Variants in TMEM217 observed in about 807,000 individuals in gnomAD.
TMEM217 encodes transmembrane protein 217.
For synonymous variants in TMEM217, 76 were observed against 88.3 expected, an observed-to-expected ratio of 0.86 and a Z score of 0.78; for missense variants, 204 against 248.8, an observed-to-expected ratio of 0.82 and a Z score of 1.21.
At chr6:37,216,552 G>T (rs1316409339), downstream of TMEM217, among the ~76,000 whole-genome samples, 1 of 152,168 alleles carries the variant, frequency 6.6e-6, no homozygotes, top group Non-Finnish European at 1.5e-5. Context: ...GGAAGAAGGA[G>T]TCTGGGATGA....
At chr6:37,252,547 TTGTGAGGGG>T (rs763948715) in intron 1 of TMEM217, among the ~76,000 whole-genome samples, 1 of 150,972 alleles carries the variant, frequency 6.6e-6, no homozygotes, top group Non-Finnish European at 1.5e-5. Context: ...CATGTATATG[TTGTGAGGGG>T]TGTGAGGGGT....
chr6:37,220,864 A>C (rs750588166), intron 1 of TMEM217, among the ~76,000 whole-genome samples: 25 of 152,110 alleles, frequency 1.6e-4, no homozygotes, highest in Non-Finnish European at 3.1e-4. Flanking sequence ...AACAACTATG[A>C]TTACTATATT....
At chr6:37,251,203 A>G (rs555618687) in intron 1 of TMEM217, among the ~76,000 whole-genome samples, 1 of 152,296 alleles carries the variant, frequency 6.6e-6, no homozygotes, top group South Asian at 2.1e-4. Flanking sequence ...TTATTTTTTC[A>G]TGTCAGACAG....
chr6:37,239,288 A>G (rs1348291625), intron 1 of TMEM217, among the ~76,000 whole-genome samples: 1 of 152,098 alleles, frequency 6.6e-6, no homozygotes, highest in Non-Finnish European at 1.5e-5. Context: ...CAGGAGTTTG[A>G]GACTAGCCTG....
chr6:37,243,624 GT>G (rs1764903639), intron 1 of TMEM217, among the ~76,000 whole-genome samples: 1 of 152,186 alleles, frequency 6.6e-6, no homozygotes, highest in African/African-American at 2.4e-5. Flanking sequence ...TTGAGACAGA[GT>G]TTCTCTCTTG....
At chr6:37,227,166 C>T (rs889042013) in intron 1 of TMEM217, among the ~76,000 whole-genome samples, 1 of 152,162 alleles carries the variant, frequency 6.6e-6, no homozygotes, top group African/African-American at 2.4e-5. Flanking sequence ...TTTGAATCCA[C>T]TGAGCCCAGA....
intron 1 of TMEM217, among the ~76,000 whole-genome samples, chr6:37,249,244 A>G (rs1324089421): frequency 6.6e-6 from 1 of 152,214 alleles, no homozygotes; most frequent in Non-Finnish European, 1.5e-5. Flanking sequence ...GTAGATTTTG[A>G]ATTTGTGCCA....
intron 1 of TMEM217, among the ~76,000 whole-genome samples, chr6:37,220,649 G>A (rs957177307): frequency 1.3e-5 from 2 of 151,840 alleles, no homozygotes; most frequent in African/African-American, 4.8e-5. Context: ...GTGTGTCTAA[G>A]TGTCTGGCAG....
chr6:37,251,478 A>G (rs1765396247), intron 1 of TMEM217, among the ~76,000 whole-genome samples: 1 of 152,274 alleles, frequency 6.6e-6, no homozygotes, highest in South Asian at 2.1e-4. Flanking sequence ...GAATATTCAC[A>G]TAAGGGAACG....
At chr6:37,229,902 T>C (rs1764099110) in intron 1 of TMEM217, among the ~76,000 whole-genome samples, 1 of 152,204 alleles carries the variant, frequency 6.6e-6, no homozygotes, top group South Asian at 2.1e-4. Flanking sequence ...GTTTCTCTGC[T>C]CCAGGTTTCA....
At chr6:37,255,642 T>C (rs1299009814) in intron 1 of TMEM217, among the ~76,000 whole-genome samples, 3 of 150,902 alleles carry the variant, frequency 2.0e-5, no homozygotes, top group African/African-American at 7.4e-5. Context: ...TGAGATCATG[T>C]CACTGGACTC....
chr6:37,224,606 C>CA (rs2113832873), intron 1 of TMEM217, among the ~76,000 whole-genome samples: 1 of 96,850 alleles, frequency 1.0e-5, no homozygotes, highest in Admixed American at 1.2e-4. Flanking sequence ...CAAAAACAAA[C>CA]AAACAAACGA....
At chr6:37,253,160 T>C (rs2113934446) in intron 1 of TMEM217, among the ~76,000 whole-genome samples, 1 of 152,346 alleles carries the variant, frequency 6.6e-6, no homozygotes, top group East Asian at 1.9e-4. Context: ...TGATGTGCTA[T>C]GTAGCATTCA....
chr6:37,225,226 G>C (rs1763758533), intron 1 of TMEM217, among the ~76,000 whole-genome samples: 2 of 151,996 alleles, frequency 1.3e-5, no homozygotes, highest in Non-Finnish European at 2.9e-5. Flanking sequence ...ATTACCAAAA[G>C]TAAGAGGATA....
intron 1 of TMEM217, 31 bp downstream of exon 1, chr6:37,257,537 C>A: frequency 4.1e-6 from 1 of 242,298 alleles, no homozygotes; most frequent in Non-Finnish European, 8.2e-6. Flanking sequence ...AAGATAATCC[C>A]CTCTTCCTTC....
intron 1 of TMEM217, among the ~76,000 whole-genome samples, chr6:37,244,554 C>CAG (rs1164094671): frequency 6.6e-6 from 1 of 152,198 alleles, no homozygotes; most frequent in Non-Finnish European, 1.5e-5. Flanking sequence ...TTCAGTCTTT[C>CAG]TCTGTGTAAG....
At chr6:37,217,424 T>C (rs1170255469), downstream of TMEM217, among the ~76,000 whole-genome samples, 1 of 152,246 alleles carries the variant, frequency 6.6e-6, no homozygotes, top group African/African-American at 2.4e-5. Flanking sequence ...TAATTTACTT[T>C]CTTCCACTAA....
intron 1 of TMEM217, among the ~76,000 whole-genome samples, chr6:37,222,609 G>A (rs991425481): frequency 1.3e-5 from 2 of 152,224 alleles, no homozygotes; most frequent in Non-Finnish European, 2.9e-5. Flanking sequence ...CCTGGCAGCT[G>A]CAGCTGCACC....
chr6:37,253,328 C>A (rs1562028688), intron 1 of TMEM217, among the ~76,000 whole-genome samples: 1 of 152,122 alleles, frequency 6.6e-6, no homozygotes. Flanking sequence ...ACAGAGATTT[C>A]CCCCTTTCTT....
Sources: gnomAD v4.1 joint callset for allele counts (sites outside exome capture counted in the v4.1 genomes callset) on GRCh38, gnomAD v4.1.1 for gene constraint, MANE v1.5 for transcripts, NCBI Gene and HGNC (gene_info 2026-07-23, HGNC 2026-07-21) for gene names.